Variants in CUX2 observed in about 807,000 individuals in gnomAD.
CUX2 encodes homeobox protein cut-like 2.
Under a neutral mutation model 144.8 loss-of-function variants are expected in CUX2, and 40 were observed. The observed-to-expected ratio is 0.28, with a 90% CI of 0.21 to 0.36. The LOEUF (loss-of-function observed/expected upper bound fraction) is 0.36. Ranked by LOEUF, CUX2 falls within the 10% of genes least tolerant of loss-of-function variation. The pLI is 1.00. For missense variants in CUX2, 1,615 were observed against 1,994.0 expected (o/e 0.81, Z 3.62); for synonymous variants, 827 against 875.6 (o/e 0.94, Z 0.98).
chr12:111,102,894 T>C (rs1873343900), intron 1 of CUX2, among the ~76,000 whole-genome samples: 1 of 152,224 alleles, frequency 6.6e-6, no homozygotes, highest in South Asian at 2.1e-4. Context: ...TTATTACTAT[T>C]GTTACTATCT....
At position 111,307,008 on chromosome 12, in the gene CUX2, G is replaced by A. The variant is rs1352666096; in HGVS notation, c.946G>A (p.Asp316Asn). 6.2e-7 allele frequency: 1 copy of A among 1,613,796 alleles called. No homozygotes were observed. Reference protein sequence around the residue: ...KDREILRLLKDVQHLQSSLQE... With the variant: ...KDREILRLLKNVQHLQSSLQE... ...CAGGGAGATCCTGCGGCTGCTGAAG[G>A]ACGTGCAGCACCTCCAGAGCTCACT... Residue 316 changes from aspartate to asparagine, a missense_variant, in exon 11 of 22, where the codon GAC (aspartate) becomes AAC (asparagine). Asp to Asn is a conservative substitution (Grantham distance 23). Transcript: ENST00000261726. The surrounding 1 kb of genome is among the most constrained non-coding windows in gnomAD (Gnocchi z 4.1).
At chr12:111,092,023 C>T (rs1372499217) in intron 1 of CUX2, among the ~76,000 whole-genome samples, 1 of 152,248 alleles carries the variant, frequency 6.6e-6, no homozygotes, top group African/African-American at 2.4e-5. Context: ...CCCAGCCAAG[C>T]TCTAACAGAT....
chr12:111,038,425 C>G (rs1214814301), intron 1 of CUX2, among the ~76,000 whole-genome samples: 2 of 152,214 alleles, frequency 1.3e-5, no homozygotes, highest in Non-Finnish European at 2.9e-5. Context: ...GGAGCGTGAG[C>G]CCGCAGAGCT....
chr12:111,239,804 G>T (rs901501345), intron 3 of CUX2, among the ~76,000 whole-genome samples: 1 of 152,194 alleles, frequency 6.6e-6, no homozygotes, highest in African/African-American at 2.4e-5. Flanking sequence ...AGTAAGTGCA[G>T]CATCTCTGTC....
In CUX2 at chr12:111,039,221, G is replaced by A. The variant is rs1027491296; in HGVS notation, c.63+4981G>A. Among the ~76,000 whole-genome samples the A allele has an allele frequency of 9.9e-5, 15 of 152,224 alleles. No homozygotes were observed. Among genetic ancestry groups the A allele is most frequent in the East Asian group, 3.9e-4 (2 of 5,166 alleles). On this transcript the variant is annotated intron_variant, in intron 1 of 21. Coordinates refer to ENST00000261726, the MANE Select transcript of CUX2 (RefSeq NM_015267.4). The surrounding 1 kb of genome is among the most constrained non-coding windows in gnomAD (Gnocchi z 4.2). The stretch of plus-strand genomic sequence containing the variant: ...TGGCAGAGGTGAAGCATTGGAAGGG[G>A]ACTCAGGTGGTGACCTGCCTTTGTT...
At chr12:111,325,167 GC>G (rs955117435) in intron 18 of CUX2, among the ~76,000 whole-genome samples, 1 of 151,770 alleles carries the variant, frequency 6.6e-6, no homozygotes, top group Non-Finnish European at 1.5e-5. Context: ...GGTGGCAGGC[GC>G]CTGTAGTCCC....
At chr12:111,341,247 T>C (rs1022901348) in intron 20 of CUX2, among the ~76,000 whole-genome samples, 3 of 151,796 alleles carry the variant, frequency 2.0e-5, no homozygotes, top group African/African-American at 4.8e-5. Flanking sequence ...TGACTTGTGA[T>C]TGTGCCACTG....
At position 111,289,149 on chromosome 12, in the gene CUX2, A is replaced by AT. The variant is rs1393450453; in HGVS notation, c.302-2267dup. The stretch of plus-strand genomic sequence containing the variant: ...AAAAAAGAAAAAAGGAAAAAAGAAA[A>AT]TTCTGGGGGAGAGACCAGGAAGAGA... On this transcript the variant is annotated intron_variant, in intron 4 of 21. Coordinates refer to ENST00000261726, the MANE Select transcript of CUX2 (RefSeq NM_015267.4). This position sits in a 1 kb window ranked among gnomAD's most constrained non-coding sequence, Gnocchi z 4.1. 2.0e-5 allele frequency among the ~76,000 whole-genome samples: 3 copies of AT among 151,962 alleles called. No homozygotes were observed. Among genetic ancestry groups the AT allele is most frequent in the Non-Finnish European group, 4.4e-5 (3 of 67,992 alleles).
In CUX2 at chr12:111,289,669, G is replaced by A. The variant is rs1361218960; in HGVS notation, c.302-1749G>A. 6.6e-6 allele frequency among the ~76,000 whole-genome samples: 1 copy of A among 152,076 alleles called. No individual in the cohort carries two copies. The highest frequency in any genetic ancestry group is 6.6e-5 in the Admixed American group (1 of 15,264). ...GAATTCCAGGCAGAAGGACCTGCAC[G>A]TTCCTCACCTTTGAGTGATTGGGGA... On this transcript the variant is annotated intron_variant, in intron 4 of 21. Transcript: ENST00000261726. The surrounding 1 kb of genome is among the most constrained non-coding windows in gnomAD (Gnocchi z 4.1).
At chr12:111,265,146 C>T (rs532457840) in intron 4 of CUX2, among the ~76,000 whole-genome samples, 1 of 151,838 alleles carries the variant, frequency 6.6e-6, no homozygotes, top group South Asian at 2.1e-4. Flanking sequence ...TGGTTTCAAA[C>T]ACTTGAAGGG....
At chr12:111,044,058 C>T (rs540126283) in intron 1 of CUX2, among the ~76,000 whole-genome samples, 2 of 152,288 alleles carry the variant, frequency 1.3e-5, no homozygotes, top group South Asian at 4.1e-4. Context: ...TAGGAGCTTC[C>T]GTCAACCAAA....
chr12:111,242,988 A>C (rs866630724), intron 3 of CUX2, among the ~76,000 whole-genome samples: 64 of 152,180 alleles, frequency 4.2e-4, no homozygotes, highest in African/African-American at 1.5e-3. Flanking sequence ...TTTGCTGAAT[A>C]TGATGGTTTC....
chr12:111,165,929 T>G (rs1878110138), intron 1 of CUX2, among the ~76,000 whole-genome samples: 1 of 152,138 alleles, frequency 6.6e-6, no homozygotes, highest in African/African-American at 2.4e-5. Context: ...TGATTACTAA[T>G]TACGATTATA....
chr12:111,088,315 C>T (rs1240274153), intron 1 of CUX2, among the ~76,000 whole-genome samples: 1 of 152,182 alleles, frequency 6.6e-6, no homozygotes, highest in Admixed American at 6.5e-5. Context: ...CTTTTCCAAA[C>T]TTCTGACCTC....
rs1240650870 is a variant in CUX2 at position 111,057,361 on chromosome 12, A to G, written c.63+23121A>G. Reference sequence around the variant, plus strand: ...GGAAGTTAGTGGGACAGAGACGGCTATGTGAGTGGAGTGGAGTGGGTGTGA... The same window carrying G: ...GGAAGTTAGTGGGACAGAGACGGCTGTGTGAGTGGAGTGGAGTGGGTGTGA... On this transcript the variant is annotated intron_variant, in intron 1 of 21. Transcript: ENST00000261726. The surrounding 1 kb of genome is among the most constrained non-coding windows in gnomAD (Gnocchi z 5.1). Among the ~76,000 whole-genome samples, 1 of 152,102 alleles carries G rather than the reference A, an allele frequency of 6.6e-6. No homozygotes were observed. The highest frequency in any genetic ancestry group is 1.5e-5 in the Non-Finnish European group (1 of 68,026).
At position 111,221,035 on chromosome 12, in the gene CUX2, T is replaced by C. The variant is rs541462982; in HGVS notation, c.222+3098T>C. Among the ~76,000 whole-genome samples, 52 of 148,052 alleles carry C rather than the reference T, an allele frequency of 3.5e-4. 1 individual carries two copies. The South Asian group carries it at 0.01, about 29-fold the overall frequency. On this transcript the variant is annotated intron_variant, in intron 3 of 21. Coordinates refer to ENST00000261726, the MANE Select transcript of CUX2 (RefSeq NM_015267.4). ...TGGCACACCGTTGGTGCTCAGTAAA[T>C]ACTAGGACAGAGAAAGTCTTAGGCC...
chr12:111,120,048 ACT>A (rs975742567), intron 1 of CUX2, among the ~76,000 whole-genome samples: 1 of 151,996 alleles, frequency 6.6e-6, no homozygotes, highest in Non-Finnish European at 1.5e-5. Flanking sequence ...ACAGAGTGAG[ACT>A]CCATCTCAAA....
intron 1 of CUX2, among the ~76,000 whole-genome samples, chr12:111,128,229 T>G (rs1367601891): frequency 6.6e-6 from 1 of 152,194 alleles, no homozygotes; most frequent in Non-Finnish European, 1.5e-5. Context: ...CTAAGCCAAG[T>G]AAACAACTAG....
intron 1 of CUX2, among the ~76,000 whole-genome samples, chr12:111,194,474 G>C (rs1270274737): frequency 6.6e-6 from 1 of 152,204 alleles, no homozygotes; most frequent in Non-Finnish European, 1.5e-5. Flanking sequence ...CAGTTCAGGA[G>C]ATTTTCACAT....
Sources: allele counts gnomAD v4.1 joint callset (sites outside exome capture counted in the v4.1 genomes callset), GRCh38; gene constraint gnomAD v4.1.1; non-coding constraint Gnocchi (gnomAD v3.1); transcripts MANE v1.5; gene names NCBI Gene and HGNC (gene_info 2026-07-23, HGNC 2026-07-21).